Variants in DLGAP2 observed in about 807,000 individuals in gnomAD.
DLGAP2 encodes DLG associated protein 2, also known as disks large-associated protein 2.
Under a neutral mutation model 100.3 loss-of-function variants are expected in DLGAP2, and 26 were observed. The ratio of observed to expected loss-of-function variants is 0.26; its 90% confidence interval spans 0.19 to 0.36. The LOEUF (loss-of-function observed/expected upper bound fraction) is 0.36, where lower values mean the gene tolerates loss of function less well. Among genes scored for constraint, DLGAP2 ranks in the 10% least tolerant of loss-of-function variants. The pLI is 1.00. For missense variants in DLGAP2, 1,858 were observed against 1,453.2 expected (o/e 1.28, Z -4.53); for synonymous variants, 886 against 630.1 (o/e 1.41, Z -6.08).
At chr8:1,487,905 G>A (rs1799271278) in intron 3 of DLGAP2, among the ~76,000 whole-genome samples, 1 of 152,202 alleles carries the variant, frequency 6.6e-6, no homozygotes, top group Admixed American at 6.5e-5. Flanking sequence ...TGCTGGAGCT[G>A]CTCTGCCACG....
chr8:939,890 G>A (rs1390860807), intron 2 of DLGAP2, among the ~76,000 whole-genome samples: 2 of 151,870 alleles, frequency 1.3e-5, no homozygotes, highest in African/African-American at 2.4e-5. Context: ...GTGCCCACTC[G>A]GAGGCCCCAG....
At chr8:1,626,584 C>T (rs1159592662) in intron 6 of DLGAP2, among the ~76,000 whole-genome samples, 156 bp from the exon 7 acceptor site, 4 of 136,854 alleles carry the variant, frequency 2.9e-5, no homozygotes, top group African/African-American at 6.3e-5. Flanking sequence ...TACCCTGCAG[C>T]AGGTGCTCAG....
At chr8:1,337,891 C>G (rs1801324882) in intron 3 of DLGAP2, among the ~76,000 whole-genome samples, 1 of 152,156 alleles carries the variant, frequency 6.6e-6, no homozygotes, top group Non-Finnish European at 1.5e-5. Context: ...CTTGAATAAA[C>G]AGTTCTCCAA....
At position 1,357,784 on chromosome 8, in the gene DLGAP2, C is replaced by A. The variant is rs1467101937; in HGVS notation, c.106+98901C>A. 2.0e-5 allele frequency among the ~76,000 whole-genome samples: 3 copies of A among 152,166 alleles called. No homozygotes were observed. The East Asian group carries it at 5.8e-4, about 29-fold the overall frequency. ...TGTGGTTCTGAGCAGCCTCGTAGTG[C>A]CATGCAGTGCTCTTCAGACATACGC... On this transcript the variant is annotated intron_variant, in intron 3 of 14. Transcript: ENST00000637795.
At position 1,586,878 on chromosome 8, in the gene DLGAP2, C is replaced by G. The variant is rs189620663; in HGVS notation, c.1442+20984C>G. 1.4e-3 allele frequency among the ~76,000 whole-genome samples: 212 copies of G among 152,350 alleles called. 3 individuals are homozygous for G. The Middle Eastern group carries it at 0.048, about 34-fold the overall frequency. On this transcript the variant is annotated intron_variant, in intron 6 of 14. Transcript: ENST00000637795. Reference sequence around the variant, plus strand: ...CTGGGTAGCATCATAAGGGGATTTTCTGGGCATGTGGCTCCCTCTGAAGCT... The same window carrying G: ...CTGGGTAGCATCATAAGGGGATTTTGTGGGCATGTGGCTCCCTCTGAAGCT...
intron 4 of DLGAP2, among the ~76,000 whole-genome samples, chr8:1,540,368 G>A (rs552223170): frequency 3.3e-5 from 5 of 152,298 alleles, no homozygotes; most frequent in South Asian, 2.1e-4. Flanking sequence ...TGTCTACCAC[G>A]GTACCTTGTT....
chr8:793,103 T>C (rs1795952203), intron 1 of DLGAP2, among the ~76,000 whole-genome samples: 1 of 152,258 alleles, frequency 6.6e-6, no homozygotes, highest in African/African-American at 2.4e-5. Context: ...TGCCGCTGGC[T>C]CTTCTCCCAT....
chr8:1,429,519 G>A (rs747399573), intron 3 of DLGAP2, among the ~76,000 whole-genome samples: 1 of 152,142 alleles, frequency 6.6e-6, no homozygotes, highest in Non-Finnish European at 1.5e-5. Flanking sequence ...TGGTGTGTAA[G>A]CTGAAGATGA....
intron 1 of DLGAP2, among the ~76,000 whole-genome samples, chr8:787,577 G>A (rs1417360314): frequency 6.6e-6 from 1 of 152,230 alleles, no homozygotes; most frequent in Non-Finnish European, 1.5e-5. Flanking sequence ...GCCTTACTTG[G>A]TGAGGTCAGC....
At chr8:1,145,720 G>T (rs376019583) in intron 2 of DLGAP2, among the ~76,000 whole-genome samples, 1 of 149,002 alleles carries the variant, frequency 6.7e-6, no homozygotes, top group East Asian at 2.0e-4. Context: ...CCATTAACTC[G>T]TCATTTAGCA....
At chr8:1,033,143 C>T (rs894124278) in intron 2 of DLGAP2, among the ~76,000 whole-genome samples, 1 of 152,036 alleles carries the variant, frequency 6.6e-6, no homozygotes, top group Non-Finnish European at 1.5e-5. Flanking sequence ...CTGTCTCAGG[C>T]ACTGACCTTC....
intron 2 of DLGAP2, among the ~76,000 whole-genome samples, chr8:1,039,546 T>C (rs71516146): frequency 0.11 from 3,569 of 33,110 alleles, 257 homozygotes; most frequent in Middle Eastern, 0.15. Flanking sequence ...GTGGTCAGCT[T>C]GGTGTGCGTG....
intron 2 of DLGAP2, among the ~76,000 whole-genome samples, chr8:1,184,919 A>G (rs532170219): frequency 6.6e-6 from 1 of 152,258 alleles, no homozygotes; most frequent in Non-Finnish European, 1.5e-5. Context: ...ACTTGCCCCA[A>G]ATCATATAAC....
intron 2 of DLGAP2, among the ~76,000 whole-genome samples, chr8:1,180,415 G>C (rs893583056): frequency 6.6e-6 from 1 of 152,212 alleles, no homozygotes; most frequent in African/African-American, 2.4e-5. Context: ...ATGTTGCCCA[G>C]CCTGGTCTTG....
chr8:1,316,278 T>C (rs1800746099), intron 3 of DLGAP2, among the ~76,000 whole-genome samples: 1 of 133,504 alleles, frequency 7.5e-6, no homozygotes, highest in Non-Finnish European at 1.6e-5. Flanking sequence ...CGTGTGCGAG[T>C]GCAGCGTCTC....
intron 3 of DLGAP2, among the ~76,000 whole-genome samples, chr8:1,304,389 C>T (rs1337792268): frequency 1.3e-5 from 2 of 152,190 alleles, no homozygotes; most frequent in Non-Finnish European, 2.9e-5. Context: ...ATTTCAAGTG[C>T]CCAGGTTTCA....
At chr8:1,120,865 C>G (rs1037495924) in intron 2 of DLGAP2, among the ~76,000 whole-genome samples, 4 of 151,880 alleles carry the variant, frequency 2.6e-5, no homozygotes, top group Non-Finnish European at 5.9e-5. Flanking sequence ...CCTTCAGAAC[C>G]CGTGACCACC....
intron 3 of DLGAP2, among the ~76,000 whole-genome samples, chr8:1,288,544 G>C (rs1244797468): frequency 4.1e-5 from 2 of 48,252 alleles, no homozygotes; most frequent in African/African-American, 3.1e-4. Context: ...AGTTGAGTGT[G>C]TGTGTGTGTG....
At chr8:1,572,280 A>AAG (rs1802747877) in intron 6 of DLGAP2, among the ~76,000 whole-genome samples, 1 of 64,020 alleles carries the variant, frequency 1.6e-5, no homozygotes, top group African/African-American at 6.8e-5. Flanking sequence ...GAGAGGAGAG[A>AAG]GGTGAACTGT....
Sources: allele counts gnomAD v4.1 joint callset (sites outside exome capture counted in the v4.1 genomes callset), GRCh38; gene constraint gnomAD v4.1.1; transcripts MANE v1.5; gene names NCBI Gene and HGNC (gene_info 2026-07-23, HGNC 2026-07-21).